Variants in ASTN2 observed in about 807,000 individuals in gnomAD.
The protein encoded by ASTN2 is astrotactin 2, also known as astrotactin-2.
Under a neutral mutation model 139.8 loss-of-function variants are expected in ASTN2, and 54 were observed. The ratio of observed to expected loss-of-function variants is 0.39; its 90% confidence interval spans 0.31 to 0.48. The LOEUF is 0.48. Among genes scored for constraint, ASTN2 ranks in the 20% least tolerant of loss-of-function variants. The pLI is 0.95. For synonymous variants in ASTN2, 756 were observed against 719.5 expected (o/e 1.05, Z -0.81); for missense variants, 1,565 against 1,725.1 (o/e 0.91, Z 1.64).
chr9:116,886,615 C>T (rs559874647), intron 10 of ASTN2, among the ~76,000 whole-genome samples: 16 of 152,292 alleles, frequency 1.1e-4, no homozygotes, highest in African/African-American at 3.4e-4. Flanking sequence ...GATCCTCCCA[C>T]TCAGCCTTCC....
At chr9:116,865,423 CAAAAAAAAAAAAAAAAAAAA>C (rs869251101) in intron 10 of ASTN2, among the ~76,000 whole-genome samples, 1 of 48,830 alleles carries the variant, frequency 2.0e-5, no homozygotes, top group Non-Finnish European at 3.6e-5. Flanking sequence ...AACACTGTCT[CAAAAAAAAAAAAAAAAAAAA>C]AAAAAAAAAA....
chr9:116,795,270 A>T (rs1321715659), intron 13 of ASTN2, among the ~76,000 whole-genome samples: 2 of 152,118 alleles, frequency 1.3e-5, no homozygotes, highest in Middle Eastern at 3.2e-3. Context: ...GAGCCACTGC[A>T]CCCGGCCTTA....
At chr9:117,111,771 A>G (rs991325840) in intron 4 of ASTN2, among the ~76,000 whole-genome samples, 13 of 152,144 alleles carry the variant, frequency 8.5e-5, no homozygotes, top group African/African-American at 2.9e-4. Flanking sequence ...GCTGAAAATG[A>G]AATATATATA....
chr9:116,508,894 T>G lies in ASTN2; in HGVS notation c.3356-21394A>C, dbSNP rs375342586. 2.4e-4 allele frequency among the ~76,000 whole-genome samples: 37 copies of G among 152,226 alleles called. 2 individuals are homozygous for G. The highest frequency in any genetic ancestry group is 8.2e-4 in the African/African-American group (34 of 41,542). On this transcript the variant is annotated intron_variant, in intron 19 of 22. Coordinates refer to ENST00000313400, the MANE Select transcript of ASTN2 (RefSeq NM_001365068.1). ...TCAGGGATATTGGGCAAGGAAGAGG[T>G]AGCTTGGAAGATGCTCACAGGTGTC...
At chr9:116,510,841 C>T (rs1850344292) in intron 19 of ASTN2, among the ~76,000 whole-genome samples, 2 of 152,050 alleles carry the variant, frequency 1.3e-5, no homozygotes, top group African/African-American at 2.4e-5. Context: ...GTGATTTTTG[C>T]ACATTGATTT....
intron 2 of ASTN2, among the ~76,000 whole-genome samples, chr9:117,245,849 G>C (rs1415205668): frequency 6.6e-6 from 1 of 151,674 alleles, no homozygotes; most frequent in Non-Finnish European, 1.5e-5. Context: ...TATTCTTTAG[G>C]TCTCTGCTGC....
chr9:117,070,601 G>A (rs1324361130), intron 5 of ASTN2, among the ~76,000 whole-genome samples: 1 of 144,024 alleles, frequency 6.9e-6, no homozygotes, highest in Admixed American at 6.8e-5. Context: ...ATCCTGCAGA[G>A]TGTTTTCCAA....
At chr9:116,759,279 G>A (rs879689430) in intron 13 of ASTN2, among the ~76,000 whole-genome samples, 2 of 152,216 alleles carry the variant, frequency 1.3e-5, no homozygotes, top group Non-Finnish European at 2.9e-5. Flanking sequence ...AAAAGTATGT[G>A]TGAGAAATGA....
intron 3 of ASTN2, among the ~76,000 whole-genome samples, chr9:117,185,376 T>C (rs1272370622): frequency 6.6e-6 from 1 of 150,600 alleles, no homozygotes; most frequent in African/African-American, 2.4e-5. Context: ...TCTGGGCAGA[T>C]GGACTCCCTA....
chr9:116,682,724 T>A (rs1468815869), intron 16 of ASTN2, among the ~76,000 whole-genome samples: 1 of 152,170 alleles, frequency 6.6e-6, no homozygotes, highest in Non-Finnish European at 1.5e-5. Flanking sequence ...ATGTCCTTTG[T>A]AGAGACATGG....
At chr9:117,161,873 T>TC (rs1554785387) in intron 3 of ASTN2, among the ~76,000 whole-genome samples, 2 of 151,766 alleles carry the variant, frequency 1.3e-5, no homozygotes, top group Non-Finnish European at 2.9e-5. Context: ...TCTTTTTTTT[T>TC]AGAATCTTTA....
At chr9:116,886,397 C>A (rs1833597322) in intron 10 of ASTN2, among the ~76,000 whole-genome samples, 1 of 152,176 alleles carries the variant, frequency 6.6e-6, no homozygotes, top group Non-Finnish European at 1.5e-5. Context: ...TTTCTTGAAA[C>A]AGGGTCTTGC....
At chr9:116,689,917 C>T (rs1232237343) in intron 16 of ASTN2, among the ~76,000 whole-genome samples, 1 of 152,166 alleles carries the variant, frequency 6.6e-6, no homozygotes, top group African/African-American at 2.4e-5. Context: ...TGAAGGCAGT[C>T]ATACTCTGAA....
Position 117,265,417 on chromosome 9 carries a change from C to T in ASTN2, c.630+25909G>A, listed in dbSNP as rs144959270. 1.8e-3 allele frequency among the ~76,000 whole-genome samples: 277 copies of T among 152,234 alleles called. 4 individuals are homozygous for T. The highest frequency in any genetic ancestry group is 6.2e-3 in the African/African-American group (259 of 41,546). Reference sequence around the variant, plus strand: ...CTGTGCTTGAAGGTCCAGTGATTCCCGGCACTGCAGCCTTCCCCAGGCATG... The same window carrying T: ...CTGTGCTTGAAGGTCCAGTGATTCCTGGCACTGCAGCCTTCCCCAGGCATG... On this transcript the variant is annotated intron_variant, in intron 2 of 22. Coordinates refer to ENST00000313400, the MANE Select transcript of ASTN2 (RefSeq NM_001365068.1).
At chr9:116,674,422 G>A (rs1472239631) in intron 16 of ASTN2, among the ~76,000 whole-genome samples, 1 of 152,196 alleles carries the variant, frequency 6.6e-6, no homozygotes, top group African/African-American at 2.4e-5. Flanking sequence ...AATGACAAAG[G>A]CTTTGAGTCA....
intron 19 of ASTN2, among the ~76,000 whole-genome samples, chr9:116,491,858 A>G (rs976725993): frequency 1.6e-4 from 25 of 152,192 alleles, no homozygotes; most frequent in African/African-American, 5.8e-4. Flanking sequence ...AGTGGTTAGG[A>G]GCCTGGGCTT....
At chr9:116,759,150 G>A (rs1588269806) in intron 13 of ASTN2, among the ~76,000 whole-genome samples, 1 of 152,162 alleles carries the variant, frequency 6.6e-6, no homozygotes, top group Non-Finnish European at 1.5e-5. Flanking sequence ...AGAGGGCTAA[G>A]ATTCTAGGCC....
At chr9:116,871,203 A>G (rs1833156310) in intron 10 of ASTN2, among the ~76,000 whole-genome samples, 1 of 152,220 alleles carries the variant, frequency 6.6e-6, no homozygotes, top group South Asian at 2.1e-4. Context: ...GGTTGCAGTG[A>G]GCCGAGATCG....
At chr9:116,693,878 C>T (rs1004998058) in intron 16 of ASTN2, among the ~76,000 whole-genome samples, 2 of 152,148 alleles carry the variant, frequency 1.3e-5, no homozygotes, top group African/African-American at 2.4e-5. Context: ...CAGATGTGCC[C>T]TTCTGGAGGA....
Sources: allele counts gnomAD v4.1 joint callset (sites outside exome capture counted in the v4.1 genomes callset), GRCh38; gene constraint gnomAD v4.1.1; transcripts MANE v1.5; gene names NCBI Gene and HGNC (gene_info 2026-07-23, HGNC 2026-07-21).